Variants in GCNT2 observed in about 807,000 individuals in gnomAD.
The protein encoded by GCNT2 is glucosaminyl (N-acetyl) transferase 2 (I blood group).
In GCNT2, 34 loss-of-function variants were observed where a neutral mutation model predicts 34.2. The ratio of observed to expected loss-of-function variants is 1.00; its 90% CI spans 0.76 to 1.32. GCNT2 has a LOEUF of 1.32. GCNT2 is among the 40% of genes most tolerant of loss of function. The probability of loss-of-function intolerance (pLI) is 0.00; values close to 1 mark genes in which losing one functional copy is unlikely to be tolerated. For missense variants in GCNT2, 584 were observed against 489.4 expected (o/e 1.19, Z -1.82); for synonymous variants, 212 against 188.0 (o/e 1.13, Z -1.04).
chr6:10,549,768 A>G (rs991149070), intron 3 of GCNT2, among the ~76,000 whole-genome samples: 1 of 151,800 alleles, frequency 6.6e-6, no homozygotes, highest in African/African-American at 2.4e-5. Flanking sequence ...CCACTACTCA[A>G]TGCAGCAGTG....
In GCNT2 at chr6:10,557,433, G is replaced by C. The variant is rs1762773047; in HGVS notation, c.925+27597G>C. On this transcript the variant is annotated intron_variant, in intron 3 of 4. Transcript: ENST00000495262. Reference sequence around the variant, plus strand: ...AGCCACTTTTTATTAGGAAGTAGAAGATGAAAACTGGAACATATATAGTTC... The same window carrying C: ...AGCCACTTTTTATTAGGAAGTAGAACATGAAAACTGGAACATATATAGTTC... 24 of 974,598 alleles carry C rather than the reference G, an allele frequency of 2.5e-5. No individual in the cohort carries two copies. The South Asian group carries it at 3.1e-4, about 13-fold the overall frequency. 60.4% of individuals were successfully genotyped at this position (974,598 alleles called of 1,614,324 possible).
At chr6:10,586,330 T>C in intron 3 of GCNT2, 1 of 1,614,180 alleles carries the variant, frequency 6.2e-7, no homozygotes, top group Non-Finnish European at 8.5e-7. Flanking sequence ...GAAAGGCTCT[T>C]TAGGGCTATC....
chr6:10,579,066 C>G (rs183492264), intron 3 of GCNT2, among the ~76,000 whole-genome samples: 2 of 152,152 alleles, frequency 1.3e-5, no homozygotes, highest in African/African-American at 4.8e-5. Context: ...TCTCTGATCT[C>G]TAGTGTGAGA....
chr6:10,625,005 T>C (rs1766196621), intron 4 of GCNT2, among the ~76,000 whole-genome samples: 1 of 152,204 alleles, frequency 6.6e-6, no homozygotes, highest in Non-Finnish European at 1.5e-5. Context: ...AAGCGTGTGC[T>C]TAAGGCCTGT....
intron 3 of GCNT2, among the ~76,000 whole-genome samples, chr6:10,572,284 A>G (rs1407630969): frequency 6.6e-6 from 1 of 152,352 alleles, no homozygotes; most frequent in Admixed American, 6.5e-5. Context: ...TGTAGGTTAC[A>G]ACATATTGAA....
chr6:10,613,032 A>C (rs1765625813), intron 3 of GCNT2, among the ~76,000 whole-genome samples: 1 of 152,246 alleles, frequency 6.6e-6, no homozygotes, highest in African/African-American at 2.4e-5. Flanking sequence ...TGACTATTTA[A>C]CATTTAAAAA....
At chr6:10,564,425 C>G (rs1270483083) in intron 3 of GCNT2, among the ~76,000 whole-genome samples, 2 of 152,206 alleles carry the variant, frequency 1.3e-5, no homozygotes, top group African/African-American at 4.8e-5. Context: ...TCTCCCTACC[C>G]TCATCCCTGC....
At chr6:10,573,154 A>AT in intron 3 of GCNT2, 1 of 948,404 alleles carries the variant, frequency 1.1e-6, no homozygotes, top group Non-Finnish European at 1.2e-6. Context: ...AAAGGATGGG[A>AT]TGTTCTAGAT....
intron 1 of GCNT2, among the ~76,000 whole-genome samples, chr6:10,524,879 A>C (rs1761113919): frequency 6.7e-6 from 1 of 148,222 alleles, no homozygotes; most frequent in East Asian, 2.1e-4. Flanking sequence ...AAAGGACAAA[A>C]TGTGTTGCCC....
At chr6:10,536,968 G>C (rs965107881) in intron 3 of GCNT2, among the ~76,000 whole-genome samples, 1 of 152,094 alleles carries the variant, frequency 6.6e-6, no homozygotes, top group Admixed American at 6.5e-5. Context: ...GTTTCACCAT[G>C]TTGGCCAGGC....
At chr6:10,572,949 T>C (rs569899584) in intron 3 of GCNT2, among the ~76,000 whole-genome samples, 6 of 152,272 alleles carry the variant, frequency 3.9e-5, no homozygotes, top group African/African-American at 1.4e-4. Flanking sequence ...CCAAGCCCTC[T>C]GCCCTAACAA....
At chr6:10,534,868 G>A (rs1761686561) in intron 3 of GCNT2, among the ~76,000 whole-genome samples, 2 of 151,912 alleles carry the variant, frequency 1.3e-5, no homozygotes, top group Non-Finnish European at 2.9e-5. Context: ...CTCAAAAAAT[G>A]GATAAATAAA....
intron 3 of GCNT2, among the ~76,000 whole-genome samples, chr6:10,596,524 A>G (rs1419545646): frequency 6.6e-6 from 1 of 152,002 alleles, no homozygotes; most frequent in Non-Finnish European, 1.5e-5. Context: ...CCATCTCAAA[A>G]AAAAAAAAGA....
intron 3 of GCNT2, among the ~76,000 whole-genome samples, chr6:10,610,285 G>A (rs1191268680): frequency 6.6e-6 from 1 of 152,236 alleles, no homozygotes; most frequent in Non-Finnish European, 1.5e-5. Context: ...TCGTGAAGGT[G>A]AAAGATTTTG....
chr6:10,608,223 A>G (rs1338090880), intron 3 of GCNT2, among the ~76,000 whole-genome samples: 11 of 151,902 alleles, frequency 7.2e-5, no homozygotes, highest in Admixed American at 7.2e-4. Flanking sequence ...GATTACAGGC[A>G]TGCGCCACTA....
intron 3 of GCNT2, chr6:10,585,680 TGAG>T (rs1342132001): frequency 1.3e-5 from 11 of 831,930 alleles, no homozygotes; most frequent in East Asian, 8.0e-5. Flanking sequence ...CATATGTAAA[TGAG>T]GAGGCTTCCT....
chr6:10,557,138 C>A (rs1222358181), intron 3 of GCNT2: 1 of 1,552,156 alleles, frequency 6.4e-7, no homozygotes, highest in Non-Finnish European at 8.7e-7. Flanking sequence ...GGGCAAAGAG[C>A]TTTCCTATGT....
chr6:10,586,551 A>G (rs151328531), intron 3 of GCNT2: 11 of 1,614,026 alleles, frequency 6.8e-6, no homozygotes, highest in Non-Finnish European at 8.5e-6. Context: ...GAAGTACGTC[A>G]TCAACACCTG....
chr6:10,603,817 CTTTTT>C (rs571206713), intron 3 of GCNT2, among the ~76,000 whole-genome samples: 51,595 of 114,412 alleles, frequency 0.45, 11,798 homozygotes, highest in East Asian at 0.64. Context: ...GCCTGACAGT[CTTTTT>C]TTTTTTTTTT....
Sources: gnomAD v4.1 joint callset for allele counts (sites outside exome capture counted in the v4.1 genomes callset) on GRCh38, gnomAD v4.1.1 for gene constraint, MANE v1.5 for transcripts, NCBI Gene and HGNC (gene_info 2026-07-23, HGNC 2026-07-21) for gene names.